RFX3: variants seen among roughly 807,000 people sequenced by gnomAD.
RFX3 encodes the protein transcription factor RFX3.
In RFX3, 14 loss-of-function variants were observed where a neutral mutation model predicts 98.6. The ratio of observed to expected loss-of-function variants is 0.14; its 90% CI spans 0.09 to 0.22. The LOEUF (loss-of-function observed/expected upper bound fraction) is 0.22. Ranked by LOEUF, RFX3 falls within the 10% of genes least tolerant of loss-of-function variation. The pLI is 1.00. For synonymous variants in RFX3, 383 were observed against 328.4 expected (o/e 1.17, Z -1.80); for missense variants, 639 against 926.9 (o/e 0.69, Z 4.03).
At chr9:3,225,386 G>T in intron 16 of RFX3, 106 bp from the exon 17 acceptor site, 2 of 1,475,184 alleles carry the variant, frequency 1.4e-6, no homozygotes, top group Non-Finnish European at 1.8e-6. Flanking sequence ...GAAAGCAACA[G>T]CTTAGCTCTT....
At chr9:3,448,994 C>G (rs1846315599) in intron 1 of RFX3, among the ~76,000 whole-genome samples, 1 of 152,124 alleles carries the variant, frequency 6.6e-6, no homozygotes, top group Non-Finnish European at 1.5e-5. Flanking sequence ...TTATCTTTAT[C>G]CCCAAACTAC....
chr9:3,465,756 T>C (rs1320767803), intron 1 of RFX3, among the ~76,000 whole-genome samples: 2 of 152,086 alleles, frequency 1.3e-5, no homozygotes, highest in Non-Finnish European at 2.9e-5. Context: ...TAATACAAGA[T>C]ACTATATATC....
At chr9:3,423,290 A>G (rs913899899) in intron 1 of RFX3, among the ~76,000 whole-genome samples, 3 of 152,218 alleles carry the variant, frequency 2.0e-5, no homozygotes, top group African/African-American at 7.2e-5. Flanking sequence ...ACTCCTAAGT[A>G]TTGATCTAAC....
chr9:3,340,893 C>T (rs967154578), intron 3 of RFX3, among the ~76,000 whole-genome samples: 57 of 152,306 alleles, frequency 3.7e-4, no homozygotes, highest in Non-Finnish European at 6.6e-4. Flanking sequence ...ACCCAGCCAT[C>T]CCATTACTGG....
intron 2 of RFX3, among the ~76,000 whole-genome samples, chr9:3,378,284 C>T (rs1014337241): frequency 6.6e-5 from 10 of 152,084 alleles, no homozygotes; most frequent in African/African-American, 2.4e-4. Context: ...AATATTAATG[C>T]AATCTTCAAT....
intron 2 of RFX3, among the ~76,000 whole-genome samples, chr9:3,350,644 G>T (rs1423519864): frequency 6.6e-6 from 1 of 152,072 alleles, no homozygotes; most frequent in African/African-American, 2.4e-5. Context: ...ATAATTGCTA[G>T]AACTTGGTAA....
chr9:3,383,097 A>G (rs1244396913), intron 2 of RFX3, among the ~76,000 whole-genome samples: 1 of 152,130 alleles, frequency 6.6e-6, no homozygotes, highest in Non-Finnish European at 1.5e-5. Context: ...AATTATACAA[A>G]ATATTCCTTT....
intron 6 of RFX3, among the ~76,000 whole-genome samples, chr9:3,292,096 A>C (rs887392681): frequency 7.2e-5 from 10 of 139,534 alleles, no homozygotes; most frequent in African/African-American, 2.1e-4. Context: ...AAAAAAAAAA[A>C]AAAACTCTTT....
At chr9:3,525,463 A>G (rs186444109) in intron 1 of RFX3, among the ~76,000 whole-genome samples, 8 of 152,046 alleles carry the variant, frequency 5.3e-5, no homozygotes, top group African/African-American at 1.7e-4. Context: ...CAGCCCCCCA[A>G]GCTCCCGCTC....
At chr9:3,271,878 G>T (rs1824533111) in intron 9 of RFX3, among the ~76,000 whole-genome samples, 1 of 152,024 alleles carries the variant, frequency 6.6e-6, no homozygotes, top group Non-Finnish European at 1.5e-5. Flanking sequence ...TGCCTCTCTG[G>T]GCATAGCATT....
chr9:3,248,310 C>A (rs1347596094), intron 14 of RFX3, 125 bp from the exon 15 acceptor site: 2 of 1,192,318 alleles, frequency 1.7e-6, no homozygotes, highest in South Asian at 1.8e-5. Flanking sequence ...ATAAAACCTG[C>A]CATGAAAGCA....
intron 14 of RFX3, among the ~76,000 whole-genome samples, chr9:3,256,414 T>C (rs894547105): frequency 6.6e-6 from 1 of 151,876 alleles, no homozygotes; most frequent in African/African-American, 2.4e-5. Flanking sequence ...AATTAAGAAG[T>C]TAAATAGATG....
chr9:3,376,952 T>C (rs557383888), intron 2 of RFX3, among the ~76,000 whole-genome samples: 18 of 152,296 alleles, frequency 1.2e-4, no homozygotes, highest in East Asian at 3.9e-4. Context: ...CAACAGGTGC[T>C]GGAGAGGATG....
intron 14 of RFX3, among the ~76,000 whole-genome samples, chr9:3,252,305 AGTT>A (rs1821518275): frequency 2.0e-5 from 3 of 152,184 alleles, no homozygotes; most frequent in African/African-American, 4.8e-5. Context: ...GTTTCAAAAA[AGTT>A]CACGTTCTGT....
chr9:3,253,229 G>C (rs959022724), intron 14 of RFX3, among the ~76,000 whole-genome samples: 5 of 152,280 alleles, frequency 3.3e-5, no homozygotes, highest in East Asian at 1.9e-4. Flanking sequence ...CTGAGTGTTT[G>C]AAGATGTATC....
rs569589812 is a variant in RFX3 at position 3,340,590 on chromosome 9, G to A, written c.215+6077C>T. Among the ~76,000 whole-genome samples the A allele has an allele frequency of 1.6e-3, 250 of 152,180 alleles. 1 individual carries two copies. Among genetic ancestry groups the A allele is most frequent in the African/African-American group, 2.9e-3 (119 of 41,536 alleles). ...CAAACAACCCCATCAAAAAGTGGGC[G>A]AAGGATATGAACAGACACTTCTCGA... On this transcript the variant is annotated intron_variant, in intron 3 of 16. Coordinates refer to ENST00000617270, the MANE Select transcript of RFX3 (RefSeq NM_001282116.2).
intron 4 of RFX3, among the ~76,000 whole-genome samples, chr9:3,313,111 T>G (rs774903049): frequency 2.6e-5 from 4 of 152,110 alleles, no homozygotes; most frequent in Non-Finnish European, 4.4e-5. Context: ...GAGAGACACT[T>G]CCCAGTAGGG....
chr9:3,391,956 C>T (rs755486733), intron 2 of RFX3, among the ~76,000 whole-genome samples: 4 of 152,060 alleles, frequency 2.6e-5, no homozygotes, highest in African/African-American at 4.8e-5. Flanking sequence ...TAATTAAATT[C>T]GTGCAATAAA....
At chr9:3,446,668 T>C (rs1034608498) in intron 1 of RFX3, among the ~76,000 whole-genome samples, 1 of 152,066 alleles carries the variant, frequency 6.6e-6, no homozygotes, top group African/African-American at 2.4e-5. Flanking sequence ...CTCAATTCTT[T>C]ATGATTTTCA....
Sources: gnomAD v4.1 joint callset for allele counts (sites outside exome capture counted in the v4.1 genomes callset) on GRCh38, gnomAD v4.1.1 for gene constraint, MANE v1.5 for transcripts, NCBI Gene and HGNC (gene_info 2026-07-23, HGNC 2026-07-21) for gene names.